Variants in ATP8A1 observed in about 807,000 individuals in gnomAD.
The protein encoded by ATP8A1 is ATPase phospholipid transporting 8A1.
In ATP8A1, 90 loss-of-function variants were observed where a neutral mutation model predicts 177.7. That is an observed-to-expected ratio of 0.51 (90% CI 0.43 to 0.60). The LOEUF is 0.60. Among genes scored for constraint, ATP8A1 ranks in the 20% least tolerant of loss-of-function variants. ATP8A1 has a pLI of 0.00. For synonymous variants in ATP8A1, 493 were observed against 485.9 expected (o/e 1.01, Z -0.19); for missense variants, 1,072 against 1,392.8 (o/e 0.77, Z 3.67).
In ATP8A1 at chr4:42,411,364, T is replaced by C. The variant is rs1712582758; in HGVS notation, c.*1552A>G. 1 of 152,184 alleles carries C rather than the reference T, an allele frequency of 6.6e-6. No individual in the cohort carries two copies. The highest frequency in any genetic ancestry group is 2.4e-5 in the African/African-American group (1 of 41,446). The allele number at this position is 152,184 out of a possible 1,614,324, so 9.4% of individuals were successfully genotyped here. A position where few individuals can be genotyped will look rare whatever the true frequency, so the allele number is the denominator to read the frequency against. The stretch of plus-strand genomic sequence containing the variant: ...AAGCGATCTGAAAAAAAATCACCTC[T>C]TCTCAATTCTAGTTGACTTTTTTTA... On this transcript the variant is annotated 3_prime_UTR_variant, in exon 37 of 37. Transcript: ENST00000381668.
At chr4:42,617,450 A>C (rs990097167) in intron 4 of ATP8A1, among the ~76,000 whole-genome samples, 4 of 152,230 alleles carry the variant, frequency 2.6e-5, no homozygotes, top group Non-Finnish European at 2.9e-5. Context: ...TTTGCCAAAA[A>C]AGATTCTTAA....
chr4:42,492,171 AC>A (rs1422915503), intron 24 of ATP8A1, among the ~76,000 whole-genome samples: 1 of 152,218 alleles, frequency 6.6e-6, no homozygotes, highest in African/African-American at 2.4e-5. Flanking sequence ...TCTAAAGTAT[AC>A]TTTGGCATTT....
chr4:42,514,673 A>G (rs1209833998), intron 22 of ATP8A1, among the ~76,000 whole-genome samples: 2 of 152,186 alleles, frequency 1.3e-5, no homozygotes, highest in African/African-American at 4.8e-5. Flanking sequence ...TTTTATACAC[A>G]TTCTTGCTTT....
intron 19 of ATP8A1, among the ~76,000 whole-genome samples, chr4:42,547,434 ACC>A (rs1729040253): frequency 6.6e-6 from 1 of 152,124 alleles, no homozygotes; most frequent in South Asian, 2.1e-4. Flanking sequence ...TCATTCTTAA[ACC>A]CACCTTCATC....
At chr4:42,518,152 A>T (rs554873754) in intron 22 of ATP8A1, among the ~76,000 whole-genome samples, 1 of 152,360 alleles carries the variant, frequency 6.6e-6, no homozygotes, top group South Asian at 2.1e-4. Context: ...CAAACATTGG[A>T]GGAACAAGAG....
intron 1 of ATP8A1, among the ~76,000 whole-genome samples, chr4:42,641,010 G>GAAAAAA (rs10609874): frequency 3.2e-5 from 4 of 123,432 alleles, no homozygotes; most frequent in Non-Finnish European, 1.7e-5. Flanking sequence ...CCCCTCACCA[G>GAAAAAA]AAAAAAAAAA....
Position 42,465,019 on chromosome 4 carries a change from G to A in ATP8A1, c.2382C>T (p.Val794=), listed in dbSNP as rs758848815. 3.1e-5 allele frequency: 50 copies of A among 1,613,998 alleles called. No homozygotes were observed. The highest frequency in any genetic ancestry group is 1.4e-4 in the South Asian group (13 of 91,080). The change falls in exon 26 of 37, where the codon GTC becomes GTT. Residue 794 remains valine, a synonymous_variant. Coordinates refer to ENST00000381668, the MANE Select transcript of ATP8A1 (RefSeq NM_006095.2). The part of the protein sequence containing the change: ...VVEMVKKQVK[V]VTLAIGDGAN... ...CTCCATCACCGATTGCAAGCGTTAC[G>A]ACTTTGACTTGTTTCTTAACCATCT...
chr4:42,494,203 TG>T (rs1723024795), intron 24 of ATP8A1, among the ~76,000 whole-genome samples: 1 of 126,518 alleles, frequency 7.9e-6, no homozygotes, highest in Non-Finnish European at 1.6e-5. Context: ...TCAGGCTTGG[TG>T]GCTCATGTCT....
chr4:42,449,625 C>T (rs1717720299), intron 30 of ATP8A1, among the ~76,000 whole-genome samples: 1 of 152,160 alleles, frequency 6.6e-6, no homozygotes. Flanking sequence ...CAAGGCGAAA[C>T]AACAACTACA....
chr4:42,415,766 T>C (rs1038376845), intron 35 of ATP8A1, among the ~76,000 whole-genome samples: 2 of 152,204 alleles, frequency 1.3e-5, no homozygotes, highest in African/African-American at 4.8e-5. Flanking sequence ...ATGTTAGTTC[T>C]GTATTTTGCC....
intron 31 of ATP8A1, among the ~76,000 whole-genome samples, chr4:42,446,238 T>C (rs1047653153): frequency 3.3e-5 from 5 of 152,112 alleles, no homozygotes; most frequent in African/African-American, 9.7e-5. Context: ...ATTCATGTCA[T>C]ATGAGAAGGA....
intron 4 of ATP8A1, among the ~76,000 whole-genome samples, chr4:42,619,632 T>A (rs1005002049): frequency 2.7e-5 from 4 of 150,916 alleles, no homozygotes; most frequent in African/African-American, 7.3e-5. Context: ...ATATATATTT[T>A]AAAATTTTAA....
At chr4:42,618,136 T>G (rs141066140) in intron 4 of ATP8A1, among the ~76,000 whole-genome samples, 4 of 152,176 alleles carry the variant, frequency 2.6e-5, no homozygotes, top group African/African-American at 9.6e-5. Context: ...TCAGGATACA[T>G]AGTATGCAAT....
At chr4:42,535,213 T>C (rs1267882183) in intron 20 of ATP8A1, among the ~76,000 whole-genome samples, 1 of 152,118 alleles carries the variant, frequency 6.6e-6, no homozygotes, top group Non-Finnish European at 1.5e-5. Context: ...ATCTGCTGTC[T>C]TTGAGAGACT....
intron 6 of ATP8A1, among the ~76,000 whole-genome samples, chr4:42,595,676 C>T (rs1734648746): frequency 6.6e-6 from 1 of 152,158 alleles, no homozygotes; most frequent in Admixed American, 6.5e-5. Flanking sequence ...ACTTAGAATG[C>T]ATCCAGGTTA....
chr4:42,427,160 T>C (rs989247335), intron 33 of ATP8A1, among the ~76,000 whole-genome samples: 7 of 152,134 alleles, frequency 4.6e-5, no homozygotes, highest in Non-Finnish European at 8.8e-5. Flanking sequence ...AAAAAAACTA[T>C]GAAAGGATGC....
At position 42,423,606 on chromosome 4, in the gene ATP8A1, T is replaced by C; in HGVS notation, c.3212+11A>G. ...CTATATTTCTCCGTATATAACTGAG[T>C]ATATACTTACACCTTGTACACCACA... On this transcript the variant is annotated intron_variant, in intron 34 of 36. Coordinates refer to ENST00000381668, the MANE Select transcript of ATP8A1 (RefSeq NM_006095.2). 6.3e-7 allele frequency: 1 copy of C among 1,586,360 alleles called. No homozygotes were observed.
chr4:42,549,627 A>G (rs115241142), intron 18 of ATP8A1, among the ~76,000 whole-genome samples: 2,725 of 151,920 alleles, frequency 0.018, 41 homozygotes, highest in Middle Eastern at 0.031. Flanking sequence ...CATCTCTATT[A>G]AAAAAATAAA....
chr4:42,460,333 C>T (rs1020994909), intron 27 of ATP8A1, among the ~76,000 whole-genome samples: 4 of 149,854 alleles, frequency 2.7e-5, no homozygotes, highest in African/African-American at 9.8e-5. Flanking sequence ...TGTTACTTCT[C>T]AGAGTAAAGG....
Sources: allele counts gnomAD v4.1 joint callset (sites outside exome capture counted in the v4.1 genomes callset), GRCh38; gene constraint gnomAD v4.1.1; transcripts MANE v1.5; gene names NCBI Gene and HGNC (gene_info 2026-07-23, HGNC 2026-07-21).